Variants in SRPK2 observed in about 807,000 individuals in gnomAD.
The protein encoded by SRPK2 is SRSF protein kinase 2.
A neutral mutation model predicts 90.8 loss-of-function variants in SRPK2; 21 were observed. That is an observed-to-expected ratio of 0.23 (90% CI 0.16 to 0.33). SRPK2 has a LOEUF of 0.33. Among genes scored for constraint, SRPK2 ranks in the 10% least tolerant of loss-of-function variants. The probability of loss-of-function intolerance (pLI) is 1.00; values close to 1 mark genes in which losing one functional copy is unlikely to be tolerated. For missense variants in SRPK2, 620 were observed against 869.0 expected (o/e 0.71, Z 3.60); for synonymous variants, 288 against 311.1 (o/e 0.93, Z 0.78).
At chr7:105,324,164 TTA>T (rs1388847064) in intron 2 of SRPK2, among the ~76,000 whole-genome samples, 1 of 151,332 alleles carries the variant, frequency 6.6e-6, no homozygotes, top group African/African-American at 2.4e-5. Context: ...GCCCGGGTAA[TTA>T]TATATATTTT....
rs368137906 is a variant in SRPK2, at chr7:105,182,231, CA to C, written c.230-12967del. Among the ~76,000 whole-genome samples, 611 of 65,842 alleles carry C rather than the reference CA, an allele frequency of 9.3e-3. 3 individuals carry two copies. Among genetic ancestry groups the C allele is most frequent in the Middle Eastern group, 0.025 (3 of 122 alleles). 43.2% of individuals were successfully genotyped at this position (65,842 alleles called of 152,430 possible). A position where few individuals can be genotyped will look rare whatever the true frequency, so the allele number is the denominator to read the frequency against. ...GGGCAACAAGTGCAAGACTCTGTCT[CA>C]AAAAAAAAAAAAAAAAAAAAATTCA... On this transcript the variant is annotated intron_variant, in intron 3 of 15. Transcript: ENST00000393651.
At chr7:105,216,227 A>G (rs915631536) in intron 2 of SRPK2, among the ~76,000 whole-genome samples, 6 of 152,306 alleles carry the variant, frequency 3.9e-5, no homozygotes, top group African/African-American at 1.4e-4. Flanking sequence ...ACACTTCTAC[A>G]TGTATTAATA....
At chr7:105,247,829 T>C (rs1219818120) in intron 2 of SRPK2, among the ~76,000 whole-genome samples, 1 of 151,986 alleles carries the variant, frequency 6.6e-6, no homozygotes, top group African/African-American at 2.4e-5. Flanking sequence ...CCCAAAGTAC[T>C]GGGATTATAG....
chr7:105,365,509 AT>A (rs1173381731), intron 2 of SRPK2, among the ~76,000 whole-genome samples: 2 of 124,836 alleles, frequency 1.6e-5, no homozygotes, highest in East Asian at 6.1e-4. Flanking sequence ...AAAAAAAAAA[AT>A]TATATATATA....
intron 3 of SRPK2, among the ~76,000 whole-genome samples, chr7:105,199,187 G>C (rs886295043): frequency 2.6e-5 from 4 of 152,222 alleles, no homozygotes; most frequent in Admixed American, 1.3e-4. Context: ...TGCAGCTCTT[G>C]CTGAGTAGTG....
At chr7:105,210,851 C>T (rs1796768597) in intron 2 of SRPK2, among the ~76,000 whole-genome samples, 1 of 152,220 alleles carries the variant, frequency 6.6e-6, no homozygotes, top group Non-Finnish European at 1.5e-5. Context: ...ACTAGGGCCA[C>T]AGAGAGCAAA....
At chr7:105,315,560 G>A (rs1218771122) in intron 2 of SRPK2, among the ~76,000 whole-genome samples, 2 of 152,096 alleles carry the variant, frequency 1.3e-5, no homozygotes, top group Non-Finnish European at 2.9e-5. Context: ...TGAGAATTCT[G>A]GGCCCATGAC....
intron 2 of SRPK2, among the ~76,000 whole-genome samples, chr7:105,222,294 T>C (rs1255631980): frequency 6.6e-6 from 1 of 152,210 alleles, no homozygotes; most frequent in Non-Finnish European, 1.5e-5. Context: ...TTAAACTGCT[T>C]CTGATGCCCT....
chr7:105,247,531 A>ACACACACACACACACACACAC (rs1801851645), intron 2 of SRPK2, among the ~76,000 whole-genome samples: 3 of 145,162 alleles, frequency 2.1e-5, no homozygotes, highest in Non-Finnish European at 4.5e-5. Flanking sequence ...CACACACATA[A>ACACACACACACACACACACAC]ACACACACAC....
intron 2 of SRPK2, among the ~76,000 whole-genome samples, chr7:105,295,419 G>A (rs1053144505): frequency 6.6e-6 from 1 of 151,896 alleles, no homozygotes; most frequent in East Asian, 1.9e-4. Flanking sequence ...TAAACTAAAT[G>A]CATTATAAAA....
chr7:105,358,236 A>AC (rs1818018788), intron 2 of SRPK2, among the ~76,000 whole-genome samples: 1 of 150,772 alleles, frequency 6.6e-6, no homozygotes, highest in Admixed American at 6.6e-5. Context: ...AAAAAAAAAA[A>AC]AAAAAAAAAC....
intron 1 of SRPK2, among the ~76,000 whole-genome samples, chr7:105,395,695 A>G (rs1210231409): frequency 1.3e-5 from 2 of 152,148 alleles, no homozygotes; most frequent in Non-Finnish European, 2.9e-5. Context: ...GCACCACTGC[A>G]CATTCCAGCT....
At chr7:105,275,909 T>C (rs2130697172) in intron 2 of SRPK2, among the ~76,000 whole-genome samples, 2 of 152,292 alleles carry the variant, frequency 1.3e-5, no homozygotes, top group South Asian at 4.1e-4. Flanking sequence ...AGTGGAAATT[T>C]AAAAAGACAT....
intron 9 of SRPK2, 26 bp from the exon 10 acceptor site, chr7:105,143,356 A>G (rs764803850): frequency 6.3e-7 from 1 of 1,596,056 alleles, no homozygotes; most frequent in African/African-American, 1.4e-5. Context: ...ACCACAGGTC[A>G]GTATTCTTCT....
chr7:105,308,072 T>C (rs1170756291), intron 2 of SRPK2, among the ~76,000 whole-genome samples: 2 of 152,336 alleles, frequency 1.3e-5, no homozygotes, highest in African/African-American at 2.4e-5. Context: ...ACTATAGTTA[T>C]GGGTTCGTCA....
chr7:105,252,297 A>C (rs1802580696), intron 2 of SRPK2, among the ~76,000 whole-genome samples: 1 of 152,226 alleles, frequency 6.6e-6, no homozygotes, highest in South Asian at 2.1e-4. Flanking sequence ...AGAAAGGGCA[A>C]AAGAATTTTA....
intron 2 of SRPK2, among the ~76,000 whole-genome samples, chr7:105,215,116 G>A (rs986670494): frequency 6.6e-6 from 1 of 152,114 alleles, no homozygotes; most frequent in Non-Finnish European, 1.5e-5. Context: ...AAATGGGGAC[G>A]GAACAACCGA....
At chr7:105,300,975 T>C (rs1264190408) in intron 2 of SRPK2, among the ~76,000 whole-genome samples, 3 of 152,206 alleles carry the variant, frequency 2.0e-5, no homozygotes, top group Non-Finnish European at 4.4e-5. Context: ...CTCAAGGATC[T>C]AGAACTAGAA....
intron 7 of SRPK2, among the ~76,000 whole-genome samples, chr7:105,146,897 C>T (rs1245155789): frequency 6.6e-6 from 1 of 152,172 alleles, no homozygotes; most frequent in African/African-American, 2.4e-5. Context: ...AATGCATCTA[C>T]ATACAGTTGA....
Sources: gnomAD v4.1 joint callset for allele counts (sites outside exome capture counted in the v4.1 genomes callset) on GRCh38, gnomAD v4.1.1 for gene constraint, MANE v1.5 for transcripts, NCBI Gene and HGNC (gene_info 2026-07-23, HGNC 2026-07-21) for gene names.